Variants in ITGBL1 observed in about 807,000 individuals in gnomAD.
The protein encoded by ITGBL1 is integrin beta-like protein 1.
ITGBL1 carries 51 observed loss-of-function variants against 68.5 expected under a neutral mutation model. That is an observed-to-expected ratio of 0.74 (90% CI 0.59 to 0.94). The LOEUF is 0.94. Ranked by LOEUF, ITGBL1 falls within the 40% of genes least tolerant of loss-of-function variation. ITGBL1 has a pLI of 0.00. For synonymous variants in ITGBL1, 209 were observed against 227.3 expected (o/e 0.92, Z 0.72); for missense variants, 649 against 647.4 (o/e 1.00, Z -0.03).
Position 101,692,632 on chromosome 13 carries a change from C to A in ITGBL1, c.1063C>A (p.Arg355=). ...KCTCYPPGDR[R]VYGKTCECDD... is the part of the protein sequence containing the mutation. ...CACCTGCTATCCTCCAGGAGATCGC[C>A]GGGTGTATGGCAAGACTTGTGAGTG... is the stretch of plus-strand genomic sequence containing the variant. The change falls in exon 8 of 11, where the codon CGG becomes AGG. Residue 355 remains arginine (R), a synonymous_variant. Transcript: ENST00000376180. 6.2e-7 allele frequency: 1 copy of A among 1,613,786 alleles called. No individual in the cohort carries two copies. The highest frequency in any genetic ancestry group is 1.1e-5 in the South Asian group (1 of 91,072).
intron 2 of ITGBL1, among the ~76,000 whole-genome samples, chr13:101,549,374 T>A (rs1028653967): frequency 6.6e-6 from 1 of 151,742 alleles, no homozygotes; most frequent in Admixed American, 6.6e-5. Flanking sequence ...GATTTAGGAG[T>A]GTGAGAAACT....
chr13:101,476,561 A>C (rs904419792), intron 2 of ITGBL1, among the ~76,000 whole-genome samples: 1 of 152,188 alleles, frequency 6.6e-6, no homozygotes, highest in Non-Finnish European at 1.5e-5. Context: ...GGATTCAAAA[A>C]CTAAACAAAA....
intron 8 of ITGBL1, among the ~76,000 whole-genome samples, chr13:101,706,455 T>G (rs1189166279): frequency 7.2e-5 from 11 of 152,214 alleles, no homozygotes; most frequent in Admixed American, 7.2e-4. Flanking sequence ...GACTCCATAC[T>G]GATAAAAATG....
intron 2 of ITGBL1, among the ~76,000 whole-genome samples, chr13:101,476,111 T>C (rs58579040): frequency 0.058 from 8,843 of 152,182 alleles, 366 homozygotes; most frequent in East Asian, 0.18. Context: ...GACTAAAAGA[T>C]GAACCTATCA....
chr13:101,471,186 G>A (rs2048451696), intron 2 of ITGBL1, among the ~76,000 whole-genome samples: 1 of 152,182 alleles, frequency 6.6e-6, no homozygotes, highest in African/African-American at 2.4e-5. Flanking sequence ...GATTGAAGGA[G>A]AAAGACTATA....
intron 2 of ITGBL1, among the ~76,000 whole-genome samples, chr13:101,512,722 G>A (rs563705489): frequency 6.6e-6 from 1 of 152,128 alleles, no homozygotes; most frequent in Non-Finnish European, 1.5e-5. Context: ...TGTTCTGAAT[G>A]TTCTGAGGTA....
Position 101,575,439 on chromosome 13 carries a change from G to A in ITGBL1, c.479G>A (p.Gly160Asp). The A allele has an allele frequency of 1.9e-6, 3 of 1,612,896 alleles. 1 individual carries two copies. Among genetic ancestry groups the A allele is most frequent in the South Asian group, 2.2e-5 (2 of 91,028 alleles). Residue 160 changes from glycine (G) to aspartate (D), a missense_variant, in exon 4 of 11, where the codon GGC becomes GAC. By Grantham distance (94) the Gly-to-Asp change is moderately conservative. Coordinates refer to ENST00000376180, the MANE Select transcript of ITGBL1 (RefSeq NM_004791.3). ...CATGGTTTAGGTACATGTCACTGTGGCAGGTGTAAGTGTGATAATTCAGAT... is the reference window on the plus strand; with the variant it reads ...CATGGTTTAGGTACATGTCACTGTGACAGGTGTAAGTGTGATAATTCAGAT... ...ICSNAGTCHC[G>D]RCKCDNSDGS...
At chr13:101,496,686 G>A (rs930910593) in intron 2 of ITGBL1, among the ~76,000 whole-genome samples, 1 of 152,010 alleles carries the variant, frequency 6.6e-6, no homozygotes, top group Non-Finnish European at 1.5e-5. Flanking sequence ...ACTGCTCTCT[G>A]TCATTATAGC....
intron 2 of ITGBL1, among the ~76,000 whole-genome samples, chr13:101,483,890 A>G (rs1328144586): frequency 3.9e-5 from 6 of 152,190 alleles, no homozygotes; most frequent in Non-Finnish European, 8.8e-5. Flanking sequence ...TTAGCTTTTT[A>G]AAAGGAAGCT....
chr13:101,568,968 C>G (rs1161467113), intron 3 of ITGBL1, among the ~76,000 whole-genome samples: 1 of 151,444 alleles, frequency 6.6e-6, no homozygotes, highest in Non-Finnish European at 1.5e-5. Flanking sequence ...GCACTTCAGT[C>G]TTTCTTTCTT....
intron 2 of ITGBL1, among the ~76,000 whole-genome samples, chr13:101,460,749 T>C (rs899026424): frequency 4.9e-4 from 74 of 152,098 alleles, no homozygotes; most frequent in African/African-American, 1.7e-3. Flanking sequence ...AGCCTTTACT[T>C]ATGGAAAGTG....
chr13:101,505,307 T>A (rs1180767323), intron 2 of ITGBL1, among the ~76,000 whole-genome samples: 1 of 152,198 alleles, frequency 6.6e-6, no homozygotes, highest in Non-Finnish European at 1.5e-5. Context: ...GGAATTTTTT[T>A]AACCTATTTT....
At chr13:101,528,652 GTTGT>G (rs1475869485) in intron 2 of ITGBL1, among the ~76,000 whole-genome samples, 7 of 151,852 alleles carry the variant, frequency 4.6e-5, no homozygotes, top group African/African-American at 1.4e-4. Flanking sequence ...TTAGAAACAA[GTTGT>G]TTGTTCTCCA....
At chr13:101,496,488 A>C (rs190487748) in intron 2 of ITGBL1, among the ~76,000 whole-genome samples, 1 of 152,336 alleles carries the variant, frequency 6.6e-6, no homozygotes, top group African/African-American at 2.4e-5. Context: ...CATGATAATT[A>C]GGCATGCATG....
intron 2 of ITGBL1, among the ~76,000 whole-genome samples, chr13:101,537,644 A>G (rs554384606): frequency 6.6e-6 from 1 of 152,070 alleles, no homozygotes; most frequent in African/African-American, 2.4e-5. Flanking sequence ...TAATTTAAAA[A>G]CACACATTTT....
At chr13:101,705,292 CAAAAAA>C (rs66461824) in intron 8 of ITGBL1, among the ~76,000 whole-genome samples, 4 of 105,030 alleles carry the variant, frequency 3.8e-5, no homozygotes, top group Non-Finnish European at 7.4e-5. Context: ...ATTTAAAAAG[CAAAAAA>C]AAAAAAAAAA....
intron 7 of ITGBL1, among the ~76,000 whole-genome samples, chr13:101,629,715 A>G (rs1412193285): frequency 1.3e-5 from 2 of 152,160 alleles, no homozygotes; most frequent in African/African-American, 4.8e-5. Context: ...ATTGAGTTGT[A>G]TAACCGTATT....
At chr13:101,516,215 G>A (rs767757633) in intron 2 of ITGBL1, among the ~76,000 whole-genome samples, 2 of 152,020 alleles carry the variant, frequency 1.3e-5, no homozygotes, top group Non-Finnish European at 1.5e-5. Flanking sequence ...TTTTTAAAAC[G>A]GTTTTTCTGA....
intron 7 of ITGBL1, among the ~76,000 whole-genome samples, chr13:101,639,038 A>G (rs1349979351): frequency 6.6e-6 from 1 of 152,160 alleles, no homozygotes; most frequent in Non-Finnish European, 1.5e-5. Flanking sequence ...AGGCAAGTAG[A>G]TGCTGTGGCT....
Sources: allele counts gnomAD v4.1 joint callset (sites outside exome capture counted in the v4.1 genomes callset), GRCh38; gene constraint gnomAD v4.1.1; transcripts MANE v1.5; gene names NCBI Gene and HGNC (gene_info 2026-07-23, HGNC 2026-07-21).